GRID2: variants seen among roughly 807,000 people sequenced by gnomAD.
GRID2 encodes glutamate receptor ionotropic, delta-2.
Under a neutral mutation model 114.8 loss-of-function variants are expected in GRID2, and 33 were observed. The observed-to-expected ratio is 0.29, with a 90% CI of 0.22 to 0.38. GRID2 has a LOEUF of 0.38. GRID2 is among the 10% of genes least tolerant of loss of function. The pLI is 1.00. For synonymous variants in GRID2, 505 were observed against 449.9 expected (o/e 1.12, Z -1.55); for missense variants, 1,184 against 1,257.7 (o/e 0.94, Z 0.89).
chr4:92,963,854 T>A (rs1752970960), intron 2 of GRID2, among the ~76,000 whole-genome samples: 1 of 151,860 alleles, frequency 6.6e-6, no homozygotes, highest in Admixed American at 6.6e-5. Context: ...GACTTGAGAG[T>A]TGAAACTACT....
intron 14 of GRID2, among the ~76,000 whole-genome samples, chr4:93,710,782 TACC>T (rs1728416747): frequency 6.6e-6 from 1 of 152,172 alleles, no homozygotes; most frequent in South Asian, 2.1e-4. Flanking sequence ...GCTGAGCTGG[TACC>T]CAAGTTGCAA....
chr4:93,061,103 AAAATAAATAAATAAATAAAT>A (rs58943728), intron 2 of GRID2, among the ~76,000 whole-genome samples: 4 of 143,874 alleles, frequency 2.8e-5, no homozygotes, highest in African/African-American at 1.1e-4. Flanking sequence ...ACTCCATCTC[AAAATAAATAAATAAATAAAT>A]AAATAAATAA....
At chr4:93,091,284 C>T (rs1031235151) in intron 3 of GRID2, among the ~76,000 whole-genome samples, 4 of 152,070 alleles carry the variant, frequency 2.6e-5, no homozygotes, top group Non-Finnish European at 5.9e-5. Flanking sequence ...TATTGACAAG[C>T]ATTCTGCATA....
chr4:93,725,782 T>G (rs1333220857), intron 14 of GRID2, among the ~76,000 whole-genome samples: 4 of 152,174 alleles, frequency 2.6e-5, no homozygotes, highest in African/African-American at 7.2e-5. Context: ...AAATGTCTTC[T>G]TTTGAGAAGT....
At chr4:92,761,651 G>T (rs1027298920) in intron 2 of GRID2, among the ~76,000 whole-genome samples, 3 of 152,106 alleles carry the variant, frequency 2.0e-5, no homozygotes, top group Admixed American at 2.0e-4. Context: ...CTGCATGTGG[G>T]CCTGTGCTCT....
intron 4 of GRID2, among the ~76,000 whole-genome samples, chr4:93,117,082 G>T (rs1009130306): frequency 2.0e-5 from 3 of 152,086 alleles, no homozygotes; most frequent in African/African-American, 7.2e-5. Flanking sequence ...GAATAATGTG[G>T]CTAATTGTAA....
chr4:93,486,326 C>T (rs1726400831), intron 11 of GRID2, among the ~76,000 whole-genome samples: 1 of 151,466 alleles, frequency 6.6e-6, no homozygotes, highest in African/African-American at 2.4e-5. Context: ...CTTTCCAATT[C>T]CTAAATACTT....
Position 92,414,671 on chromosome 4 carries a change from A to G in GRID2, c.88+109927A>G, listed in dbSNP as rs144965831. 3.9e-5 allele frequency among the ~76,000 whole-genome samples: 6 copies of G among 152,246 alleles called. No homozygotes were observed. The East Asian group carries it at 1.2e-3, about 29-fold the overall frequency. On this transcript the variant is annotated intron_variant, in intron 1 of 15. Coordinates refer to ENST00000282020, the MANE Select transcript of GRID2 (RefSeq NM_001510.4). ...CCTAGAAAGTAACACCTCCTTTTAA[A>G]TACTGTGATGTTGCCAGCAGTCATT... is the stretch of plus-strand genomic sequence containing the variant.
chr4:93,051,060 T>C (rs1435805484), intron 2 of GRID2, among the ~76,000 whole-genome samples: 1 of 152,030 alleles, frequency 6.6e-6, no homozygotes, highest in Non-Finnish European at 1.5e-5. Flanking sequence ...ATCACTCTTA[T>C]TCAACACAAA....
At chr4:92,634,638 A>G (rs1730973445) in intron 2 of GRID2, among the ~76,000 whole-genome samples, 1 of 152,138 alleles carries the variant, frequency 6.6e-6, no homozygotes, top group Non-Finnish European at 1.5e-5. Flanking sequence ...ATGGACAGAA[A>G]ATGAAAGCAG....
rs539914368 is a variant in GRID2, at chr4:93,027,258, G to A, written c.245-57737G>A. Among the ~76,000 whole-genome samples, 103 of 152,090 alleles carry A rather than the reference G, an allele frequency of 6.8e-4. 1 individual carries two copies. The highest frequency in any genetic ancestry group is 2.4e-3 in the African/African-American group (98 of 41,528). Reference sequence around the variant, plus strand: ...ACAGTCAAATTTTTAGGGTCAATATGCCTGGTGTGATGGTTTGTTTCACTG... The same window carrying A: ...ACAGTCAAATTTTTAGGGTCAATATACCTGGTGTGATGGTTTGTTTCACTG... On this transcript the variant is annotated intron_variant, in intron 2 of 15. Transcript: ENST00000282020.
intron 4 of GRID2, among the ~76,000 whole-genome samples, chr4:93,201,066 C>T (rs1742057048): frequency 6.6e-6 from 1 of 152,126 alleles, no homozygotes; most frequent in Admixed American, 6.6e-5. Context: ...CAAAGTCACA[C>T]TCAGAAAATA....
chr4:92,693,112 G>T (rs1734257379), intron 2 of GRID2, among the ~76,000 whole-genome samples: 1 of 151,452 alleles, frequency 6.6e-6, no homozygotes, highest in Non-Finnish European at 1.5e-5. Context: ...TAGTAATGCA[G>T]TTCCTTCTTT....
At chr4:92,819,981 T>C (rs529267487) in intron 2 of GRID2, among the ~76,000 whole-genome samples, 1 of 152,272 alleles carries the variant, frequency 6.6e-6, no homozygotes, top group East Asian at 1.9e-4. Flanking sequence ...TTTCGATGAG[T>C]TAACTACCAA....
intron 2 of GRID2, among the ~76,000 whole-genome samples, chr4:92,684,602 T>C (rs1733811234): frequency 6.6e-6 from 1 of 151,986 alleles, no homozygotes; most frequent in Non-Finnish European, 1.5e-5. Context: ...GTAATTCCAA[T>C]TATTTGTATT....
At chr4:93,565,738 T>C (rs182440936) in intron 13 of GRID2, among the ~76,000 whole-genome samples, 1 of 152,338 alleles carries the variant, frequency 6.6e-6, no homozygotes, top group East Asian at 1.9e-4. Context: ...CTAACCTCTT[T>C]CTTCATTCTC....
chr4:93,183,543 C>T (rs114873085), intron 4 of GRID2, among the ~76,000 whole-genome samples: 1 of 152,120 alleles, frequency 6.6e-6, no homozygotes, highest in Non-Finnish European at 1.5e-5. Context: ...CCAACTGATA[C>T]ATTCATTCAA....
At chr4:92,668,147 T>G (rs750199705) in intron 2 of GRID2, among the ~76,000 whole-genome samples, 2 of 151,790 alleles carry the variant, frequency 1.3e-5, no homozygotes, top group Non-Finnish European at 2.9e-5. Flanking sequence ...TTCCACAGTG[T>G]CAAGGAAAAT....
At chr4:93,054,082 A>T (rs575093325) in intron 2 of GRID2, among the ~76,000 whole-genome samples, 1 of 152,034 alleles carries the variant, frequency 6.6e-6, no homozygotes, top group African/African-American at 2.4e-5. Context: ...TGTTTGTTTT[A>T]TGTTATACAG....
Sources: gnomAD v4.1 joint callset for allele counts (sites outside exome capture counted in the v4.1 genomes callset) on GRCh38, gnomAD v4.1.1 for gene constraint, MANE v1.5 for transcripts, NCBI Gene and HGNC (gene_info 2026-07-23, HGNC 2026-07-21) for gene names.